Variants in PHF21A observed in about 807,000 individuals in gnomAD.
The protein encoded by PHF21A is PHD finger protein 21A.
PHF21A carries 11 observed loss-of-function variants against 82.5 expected under a neutral mutation model. That is an observed-to-expected ratio of 0.13 (90% CI 0.08 to 0.22). The LOEUF (loss-of-function observed/expected upper bound fraction) is 0.22, where lower values mean the gene tolerates loss of function less well. Among genes scored for constraint, PHF21A ranks in the 10% least tolerant of loss-of-function variants. The pLI is 1.00. For synonymous variants in PHF21A, 297 were observed against 302.8 expected, an observed-to-expected ratio of 0.98 and a Z score of 0.20; for missense variants, 579 against 837.8, an observed-to-expected ratio of 0.69 and a Z score of 3.81.
rs1368706133 is a variant in PHF21A at position 46,014,222 on chromosome 11, TACCCAATGTTTA to T, written c.154-34268_154-34257del. ...CTGTTCCCATCTTTATGTCCAAGTGTACCCAATGTTTAACTCCCACTTATAAATGAGAACATA... is the reference window on the plus strand; with the variant it reads ...CTGTTCCCATCTTTATGTCCAAGTGTACTCCCACTTATAAATGAGAACATA... On this transcript the variant is annotated intron_variant, in intron 6 of 18. Transcript: ENST00000676320. Among the ~76,000 whole-genome samples the T allele has an allele frequency of 3.3e-5, 5 of 152,328 alleles. No individual in the cohort carries two copies. In the East Asian group the frequency reaches 9.6e-4, roughly 29 times the overall value.
intron 3 of PHF21A, among the ~76,000 whole-genome samples, chr11:46,086,219 T>G (rs1289403705): frequency 6.6e-6 from 1 of 151,812 alleles, no homozygotes; most frequent in African/African-American, 2.4e-5. Flanking sequence ...CCCAGGTTCA[T>G]GCCATTCTCC....
intron 11 of PHF21A, among the ~76,000 whole-genome samples, chr11:45,951,338 A>C (rs1364787544): frequency 1.3e-5 from 2 of 152,250 alleles, no homozygotes; most frequent in African/African-American, 2.4e-5. Flanking sequence ...CTGAAGTGAT[A>C]GGTTCAGCCT....
chr11:46,057,537 A>G (rs2096477393), intron 6 of PHF21A, among the ~76,000 whole-genome samples: 1 of 152,146 alleles, frequency 6.6e-6, no homozygotes, highest in Non-Finnish European at 1.5e-5. Context: ...TCTGTTCTCC[A>G]TGTTTTGCTT....
intron 6 of PHF21A, among the ~76,000 whole-genome samples, chr11:46,001,532 T>C (rs574452495): frequency 2.0e-5 from 3 of 152,194 alleles, no homozygotes; most frequent in Non-Finnish European, 2.9e-5. Context: ...GACCACCTAA[T>C]AACATAGGGA....
chr11:46,054,545 T>C (rs770222072), intron 6 of PHF21A, among the ~76,000 whole-genome samples: 6 of 152,186 alleles, frequency 3.9e-5, no homozygotes, highest in Non-Finnish European at 7.4e-5. Flanking sequence ...TTCAAAAGCT[T>C]TTCATTTTAT....
intron 16 of PHF21A, 121 bp downstream of exon 16, chr11:45,938,036 T>A (rs2089494065): frequency 2.5e-6 from 2 of 814,450 alleles, no homozygotes; most frequent in African/African-American, 3.4e-5. Context: ...ACAGGGAAGA[T>A]GCAGCCCGGA....
At chr11:45,936,832 C>A (rs1182976338) in intron 16 of PHF21A, 1 of 394,896 alleles carries the variant, frequency 2.5e-6, no homozygotes, top group African/African-American at 2.1e-5. Flanking sequence ...GCATTCCTAT[C>A]TTTTCACACA....
intron 6 of PHF21A, 59 bp from the exon 7 acceptor site, chr11:45,980,025 C>A: frequency 1.9e-6 from 3 of 1,607,360 alleles, no homozygotes; most frequent in Non-Finnish European, 2.5e-6. Flanking sequence ...ATCAGCTGCA[C>A]AGAAATATGC....
intron 6 of PHF21A, among the ~76,000 whole-genome samples, chr11:46,030,403 G>A (rs979924390): frequency 2.1e-4 from 32 of 152,138 alleles, no homozygotes; most frequent in Non-Finnish European, 8.8e-5. Flanking sequence ...TTCATCATTT[G>A]TCTTCTAATA....
At position 45,969,823 on chromosome 11, in the gene PHF21A, G is replaced by T. The variant is rs755097066; in HGVS notation, c.694C>A (p.Leu232Ile). 8.1e-6 allele frequency: 13 copies of T among 1,609,924 alleles called. No homozygotes were observed. Among genetic ancestry groups the T allele is most frequent in the Non-Finnish European group, 1.1e-5 (13 of 1,176,206 alleles). ...PPRLTPRPNF[L>I]PQVRPKPVAQ... ...GTCATTGGTTTACTCACCTGTGGAA[G>T]AAAGTTTGGACGTGGAGTGAGTCTA... Residue 232 changes from leucine to isoleucine, a missense_variant, in exon 9 of 19, where the codon CTT becomes ATT. Leu to Ile is a conservative substitution (Grantham distance 5). This residue lies in a region of PHF21A where 410 missense variants were observed against 642.1 expected (regional missense o/e 0.64). Transcript: ENST00000676320.
intron 6 of PHF21A, among the ~76,000 whole-genome samples, chr11:46,023,151 G>C (rs2095664518): frequency 6.6e-6 from 1 of 152,188 alleles, no homozygotes. Flanking sequence ...AAAAAAGAGA[G>C]GAAAAGTTAA....
chr11:45,968,926 C>T (rs1010077196), intron 9 of PHF21A, among the ~76,000 whole-genome samples: 4 of 98,544 alleles, frequency 4.1e-5, no homozygotes, highest in East Asian at 4.3e-4. Context: ...AGCGAAACTC[C>T]ATTGCAAAAA....
chr11:45,990,322 G>C (rs896919624), intron 6 of PHF21A, among the ~76,000 whole-genome samples: 12 of 129,582 alleles, frequency 9.3e-5, no homozygotes, highest in African/African-American at 1.1e-4. Flanking sequence ...GCAGTGGCAT[G>C]ATCTGGGCTC....
At chr11:46,022,723 A>G (rs932358489) in intron 6 of PHF21A, among the ~76,000 whole-genome samples, 1 of 152,120 alleles carries the variant, frequency 6.6e-6, no homozygotes, top group Non-Finnish European at 1.5e-5. Context: ...CAGCCTCCCA[A>G]GTAGTTAAGC....
intron 6 of PHF21A, among the ~76,000 whole-genome samples, chr11:46,012,769 A>G (rs1250996414): frequency 6.9e-6 from 1 of 145,274 alleles, no homozygotes; most frequent in African/African-American, 2.5e-5. Context: ...TGGCCTGCTT[A>G]AGGCCAAACT....
chr11:45,938,978 C>T (rs1028560439), intron 15 of PHF21A, among the ~76,000 whole-genome samples: 1 of 152,092 alleles, frequency 6.6e-6, no homozygotes, highest in Non-Finnish European at 1.5e-5. Context: ...GGACCACAGG[C>T]ACCTGCCACC....
At chr11:46,052,898 A>G (rs962886972) in intron 6 of PHF21A, among the ~76,000 whole-genome samples, 4 of 152,206 alleles carry the variant, frequency 2.6e-5, no homozygotes, top group Non-Finnish European at 4.4e-5. Context: ...TAACAGTTCC[A>G]TCTTCAAGGG....
At chr11:46,032,924 A>G (rs576401913) in intron 6 of PHF21A, among the ~76,000 whole-genome samples, 1 of 152,346 alleles carries the variant, frequency 6.6e-6, no homozygotes, top group Non-Finnish European at 1.5e-5. Context: ...ATACATGTAC[A>G]TATAATCTCT....
intron 15 of PHF21A, among the ~76,000 whole-genome samples, chr11:45,943,864 C>G (rs936841934): frequency 1.3e-5 from 2 of 152,156 alleles, no homozygotes; most frequent in African/African-American, 4.8e-5. Flanking sequence ...CCCATCGTCA[C>G]TTATTAGTGC....
Sources: gnomAD v4.1 joint callset for allele counts (sites outside exome capture counted in the v4.1 genomes callset) on GRCh38, gnomAD v4.1.1 for gene constraint, gnomAD v4.1.1 regional missense constraint, MANE v1.5 for transcripts, NCBI Gene and HGNC (gene_info 2026-07-23, HGNC 2026-07-21) for gene names.